PTPRB: variants seen among roughly 807,000 people sequenced by gnomAD.
PTPRB encodes receptor-type tyrosine-protein phosphatase beta.
Under a neutral mutation model 238.1 loss-of-function variants are expected in PTPRB, and 97 were observed. The ratio of observed to expected loss-of-function variants is 0.41; its 90% CI spans 0.35 to 0.48. The LOEUF (loss-of-function observed/expected upper bound fraction) is 0.48. PTPRB is among the 20% of genes least tolerant of loss of function. PTPRB has a pLI of 0.30. For missense variants in PTPRB, 2,292 were observed against 2,681.9 expected (o/e 0.85, Z 3.21); for synonymous variants, 970 against 995.4 (o/e 0.97, Z 0.48).
At chr12:70,540,773 C>T in intron 23 of PTPRB, 85 bp downstream of exon 23, 3 of 956,942 alleles carry the variant, frequency 3.1e-6, no homozygotes, top group Non-Finnish European at 1.6e-6. Flanking sequence ...AATTATTTTC[C>T]CTTCTTAGTT....
chr12:70,636,222 CAT>C (rs1306953146), intron 1 of PTPRB, among the ~76,000 whole-genome samples, 156 bp from the exon 2 acceptor site: 3 of 151,532 alleles, frequency 2.0e-5, no homozygotes, highest in East Asian at 1.9e-4. Flanking sequence ...ATATTTAACA[CAT>C]GTGATTTAAA....
rs746101744 is a variant in PTPRB, at chr12:70,560,981, G to A, written c.4169-47C>T. 1.3e-6 allele frequency: 2 copies of A among 1,566,872 alleles called. No individual in the cohort carries two copies. Among genetic ancestry groups the A allele is most frequent in the Admixed American group, 1.7e-5 (1 of 59,080 alleles). ...TACTGAGAACAAAACAGAAACACAG[G>A]CATTTTGGCCCACAGGTGAGAGTAT... On this transcript the variant is annotated intron_variant, in intron 16 of 33. Coordinates refer to ENST00000334414, the MANE Select transcript of PTPRB (RefSeq NM_001109754.4). The surrounding 1 kb of genome is among the most constrained non-coding windows in gnomAD (Gnocchi z 4.2).
chr12:70,614,399 A>G (rs1048178867), intron 3 of PTPRB, among the ~76,000 whole-genome samples: 21 of 152,144 alleles, frequency 1.4e-4, no homozygotes, highest in Middle Eastern at 3.2e-3. Context: ...GATGACTTAG[A>G]AGAACAATTT....
intron 9 of PTPRB, 61 bp from the exon 10 acceptor site, chr12:70,581,363 A>G (rs1436069081): frequency 2.0e-6 from 3 of 1,482,526 alleles, no homozygotes; most frequent in African/African-American, 1.4e-5. Flanking sequence ...AAGTGTAAGA[A>G]AAATGAGTCA....
intron 20 of PTPRB, among the ~76,000 whole-genome samples, chr12:70,554,633 G>A (rs1877373111): frequency 6.6e-6 from 1 of 152,170 alleles, no homozygotes; most frequent in Non-Finnish European, 1.5e-5. Context: ...AGTGGAGAAG[G>A]GAAGAATGTT....
chr12:70,637,426 T>TG lies in PTPRB; in HGVS notation c.-32dup, dbSNP rs767200512. 5.6e-5 allele frequency: 88 copies of TG among 1,583,572 alleles called. No individual in the cohort carries two copies. The highest frequency in any genetic ancestry group is 6.7e-5 in the African/African-American group (5 of 74,152). ...ACTTAGCAACTGTTCATGCTTCGCT[T>TG]GGGGAAAAAAAAAATTCTCCCAGAT... On this transcript the variant is annotated 5_prime_UTR_variant, in exon 1 of 34. Transcript: ENST00000334414.
chr12:70,572,216 GACCTT>G lies in PTPRB; in HGVS notation c.2843-134_2843-130del, dbSNP rs1420772345. On this transcript the variant is annotated intron_variant, in intron 11 of 33. Coordinates refer to ENST00000334414, the MANE Select transcript of PTPRB (RefSeq NM_001109754.4). Reference sequence around the variant, plus strand: ...GTGTGCATTTAAAAGAAAAATCTTAGACCTTAGGTTACAAATTTCTGGAGGGGAAA... The same window carrying G: ...GTGTGCATTTAAAAGAAAAATCTTAGAGGTTACAAATTTCTGGAGGGGAAA... 4.1e-6 allele frequency: 4 copies of G among 984,230 alleles called. No individual in the cohort carries two copies. In the African/African-American group the frequency reaches 6.5e-5, roughly 16 times the overall value. The allele number at this position is 984,230 out of a possible 1,614,324, so 61.0% of individuals were successfully genotyped here.
intron 28 of PTPRB, among the ~76,000 whole-genome samples, chr12:70,536,707 A>G (rs1874178532): frequency 6.6e-6 from 1 of 152,216 alleles, no homozygotes; most frequent in African/African-American, 2.4e-5. Context: ...CGGCAATGAC[A>G]GCAATTCCTT....
intron 2 of PTPRB, among the ~76,000 whole-genome samples, chr12:70,626,821 G>C (rs1885227267): frequency 6.6e-6 from 1 of 151,932 alleles, no homozygotes; most frequent in Admixed American, 6.6e-5. Flanking sequence ...GACTGGAATA[G>C]ATGGGAATGA....
chr12:70,592,872 C>T (rs1882625386), intron 6 of PTPRB, among the ~76,000 whole-genome samples: 1 of 152,186 alleles, frequency 6.6e-6, no homozygotes, highest in African/African-American at 2.4e-5. Flanking sequence ...CTTTCTAGTT[C>T]ACTGAGCCTT....
chr12:70,578,837 T>G (rs780117238), intron 10 of PTPRB, among the ~76,000 whole-genome samples: 2 of 152,172 alleles, frequency 1.3e-5, no homozygotes, highest in Non-Finnish European at 2.9e-5. Context: ...GACACACAGC[T>G]AGACTGCATT....
intron 21 of PTPRB, among the ~76,000 whole-genome samples, chr12:70,552,038 C>A (rs760258191): frequency 6.6e-6 from 1 of 152,078 alleles, no homozygotes; most frequent in African/African-American, 2.4e-5. Context: ...TCTTTAGATG[C>A]CTTAGAAGGT....
At chr12:70,533,524 C>G (rs1344512521) in intron 31 of PTPRB, among the ~76,000 whole-genome samples, 1 of 152,148 alleles carries the variant, frequency 6.6e-6, no homozygotes, top group Non-Finnish European at 1.5e-5. Context: ...TCTGGACAGA[C>G]TGAAGCAAAG....
intron 10 of PTPRB, among the ~76,000 whole-genome samples, chr12:70,579,193 C>T (rs1198585959): frequency 6.6e-6 from 1 of 152,156 alleles, no homozygotes; most frequent in Non-Finnish European, 1.5e-5. Context: ...ATTTCTCCTT[C>T]CCTATTCTGA....
At chr12:70,590,587 GTTCT>G (rs1233015588) in intron 7 of PTPRB, among the ~76,000 whole-genome samples, 3 of 113,384 alleles carry the variant, frequency 2.6e-5, no homozygotes, top group Admixed American at 9.0e-5. Context: ...GCAAGATTAA[GTTCT>G]TTTTTTTTTT....
chr12:70,519,697 C>T lies in PTPRB; in HGVS notation c.*1792G>A, dbSNP rs1049554777. ...TGTAGATCTCTGACCTCTATTTTCT[C>T]GCTGGTGGTACATCTACTGCACTTA... On this transcript the variant is annotated 3_prime_UTR_variant, in exon 34 of 34. Transcript: ENST00000334414. 4.0e-5 allele frequency: 6 copies of T among 150,948 alleles called. No homozygotes were observed. The highest frequency in any genetic ancestry group is 1.5e-4 in the African/African-American group (6 of 40,976). The allele number at this position is 150,948 out of a possible 1,614,324, so 9.4% of individuals were successfully genotyped here.
rs763223272 is a variant in PTPRB at position 70,581,257 on chromosome 12, G to T, written c.2357C>A (p.Thr786Asn). The T allele has an allele frequency of 6.2e-7, 1 of 1,613,840 alleles. No individual in the cohort carries two copies. ...TDLHVANQGM[T>N]SSLFTNWTQA... ...GGTCCAGTTAGTAAACAGACTACTG[G>T]TCATTCCTTGGTTGGCCACATGCAA... Residue 786 changes from threonine (T) to asparagine (N), a missense_variant, in exon 10 of 34, where the codon ACC becomes AAC. Thr to Asn is a moderately conservative substitution (Grantham distance 65, BLOSUM62 0). Around this residue, in one of 4 missense-constraint regions of PTPRB, gnomAD observed 1,205 missense variants for 1,287.8 expected, o/e 0.94. Transcript: ENST00000334414.
At chr12:70,571,337 T>C in intron 12 of PTPRB, 48 bp from the exon 13 acceptor site, 1 of 1,479,150 alleles carries the variant, frequency 6.8e-7, no homozygotes, top group African/African-American at 1.4e-5. Flanking sequence ...CTGATCAGAG[T>C]TTACCTACAT....
intron 8 of PTPRB, 75 bp from the exon 9 acceptor site, chr12:70,587,342 C>T (rs1474862978): frequency 6.8e-7 from 1 of 1,467,272 alleles, no homozygotes; most frequent in African/African-American, 1.4e-5. Flanking sequence ...GATAGTTCTC[C>T]TCTTCCATCC....
Sources: gnomAD v4.1 joint callset for allele counts (sites outside exome capture counted in the v4.1 genomes callset) on GRCh38, gnomAD v4.1.1 for gene constraint, gnomAD v4.1.1 regional missense constraint, Gnocchi (gnomAD v3.1) non-coding constraint, MANE v1.5 for transcripts, NCBI Gene and HGNC (gene_info 2026-07-23, HGNC 2026-07-21) for gene names.